CCDC146: variants seen among roughly 807,000 people sequenced by gnomAD.
The protein encoded by CCDC146 is coiled-coil domain containing 146.
CCDC146 carries 92 observed loss-of-function variants against 119.3 expected under a neutral mutation model. The observed-to-expected ratio is 0.77, with a 90% CI of 0.65 to 0.92. The LOEUF is 0.92. CCDC146 is among the 40% of genes least tolerant of loss of function. The pLI, the probability that CCDC146 is intolerant of heterozygous loss-of-function variation, is 0.00. For missense variants in CCDC146, 1,000 were observed against 1,103.0 expected (o/e 0.91, Z 1.32); for synonymous variants, 372 against 371.8 (o/e 1.00, Z -0.01).
chr7:77,274,742 G>A (rs1024913618), intron 11 of CCDC146, 90 bp downstream of exon 11: 2 of 998,200 alleles, frequency 2.0e-6, no homozygotes, highest in Non-Finnish European at 2.9e-6. Flanking sequence ...CATGGATGAA[G>A]CTAGAAACCA....
chr7:77,143,959 A>G (rs866355743), intron 1 of CCDC146, among the ~76,000 whole-genome samples: 22 of 151,782 alleles, frequency 1.4e-4, no homozygotes, highest in Admixed American at 3.3e-4. Flanking sequence ...GAAGAAAGTA[A>G]TTGGTAGCTT....
intron 1 of CCDC146, among the ~76,000 whole-genome samples, chr7:77,154,144 G>A (rs1791146607): frequency 6.6e-6 from 1 of 151,962 alleles, no homozygotes; most frequent in Admixed American, 6.6e-5. Flanking sequence ...CAGGGGTTGG[G>A]GGAGGTCCGA....
At chr7:77,124,345 G>A (rs1462610057) in intron 1 of CCDC146, among the ~76,000 whole-genome samples, 1 of 152,146 alleles carries the variant, frequency 6.6e-6, no homozygotes, top group Non-Finnish European at 1.5e-5. Flanking sequence ...ACAGTATAAT[G>A]AGTATCAAAT....
intron 2 of CCDC146, chr7:77,195,209 G>A (rs1162833922): frequency 6.9e-6 from 1 of 144,286 alleles, no homozygotes; most frequent in African/African-American, 2.5e-5. Flanking sequence ...ACAGTAGTGA[G>A]CAATCTTAAA....
At chr7:77,135,324 C>CA (rs1298664647) in intron 1 of CCDC146, among the ~76,000 whole-genome samples, 1 of 151,762 alleles carries the variant, frequency 6.6e-6, no homozygotes, top group African/African-American at 2.4e-5. Flanking sequence ...CCCATCTCTA[C>CA]AAAAAATACA....
At chr7:77,137,873 T>G in intron 1 of CCDC146, among the ~76,000 whole-genome samples, 1 of 149,868 alleles carries the variant, frequency 6.7e-6, no homozygotes, top group African/African-American at 2.5e-5. Context: ...ATATGTAGGT[T>G]CTGTTGTCTT....
At chr7:77,212,616 G>A (rs1273606340) in intron 2 of CCDC146, among the ~76,000 whole-genome samples, 10 of 90,804 alleles carry the variant, frequency 1.1e-4, no homozygotes, top group Admixed American at 1.7e-4. Flanking sequence ...GCAAGACTCC[G>A]TCTCAAAAAA....
chr7:77,256,589 G>A, intron 6 of CCDC146, 80 bp downstream of exon 6: 2 of 1,184,154 alleles, frequency 1.7e-6, no homozygotes, highest in Non-Finnish European at 2.4e-6. Flanking sequence ...GTAACCAGCA[G>A]GTTGGATAAA....
intron 2 of CCDC146, among the ~76,000 whole-genome samples, chr7:77,211,607 A>T (rs200206718): frequency 1.2e-3 from 187 of 150,834 alleles, no homozygotes; most frequent in African/African-American, 4.4e-3. Flanking sequence ...TATTTTTTTT[A>T]TTTTTATTTA....
chr7:77,145,404 T>G (rs1269888757), intron 1 of CCDC146, among the ~76,000 whole-genome samples: 1 of 151,812 alleles, frequency 6.6e-6, no homozygotes, highest in Admixed American at 6.6e-5. Flanking sequence ...GGGTTTTTTG[T>G]GTCTCTATCT....
At chr7:77,242,220 T>C in intron 4 of CCDC146, 1 of 357,154 alleles carries the variant, frequency 2.8e-6, no homozygotes, top group South Asian at 3.1e-5. Context: ...GCCCTGGCAG[T>C]GGCCCCCTCA....
At chr7:77,280,182 G>T (rs560754320) in intron 13 of CCDC146, among the ~76,000 whole-genome samples, 6 of 152,038 alleles carry the variant, frequency 3.9e-5, no homozygotes, top group Non-Finnish European at 7.4e-5. Context: ...GATAAAGGGG[G>T]TCAGCAGAAC....
At chr7:77,235,066 CATTT>C (rs1258647442) in intron 2 of CCDC146, among the ~76,000 whole-genome samples, 2 of 152,142 alleles carry the variant, frequency 1.3e-5, no homozygotes, top group African/African-American at 4.8e-5. Context: ...TGCATTCATT[CATTT>C]GCTAACAAAT....
chr7:77,256,259 G>A, intron 5 of CCDC146, 74 bp from the exon 6 acceptor site: 2 of 1,073,914 alleles, frequency 1.9e-6, no homozygotes, highest in Non-Finnish European at 1.3e-6. Context: ...GGTGAAATTA[G>A]TTTTAGTTCA....
intron 2 of CCDC146, among the ~76,000 whole-genome samples, chr7:77,216,225 A>T (rs1460685700): frequency 6.6e-6 from 1 of 152,084 alleles, no homozygotes; most frequent in Non-Finnish European, 1.5e-5. Context: ...ACAGTAAGTT[A>T]TAGTGAAATT....
At chr7:77,286,576 C>A (rs1793851764) in intron 15 of CCDC146, among the ~76,000 whole-genome samples, 1 of 152,162 alleles carries the variant, frequency 6.6e-6, no homozygotes, top group Non-Finnish European at 1.5e-5. Context: ...CACTGCCTCA[C>A]CTCATATGAT....
At chr7:77,281,012 A>C (rs759687485) in intron 14 of CCDC146, among the ~76,000 whole-genome samples, 1 of 152,026 alleles carries the variant, frequency 6.6e-6, no homozygotes, top group Non-Finnish European at 1.5e-5. Flanking sequence ...CTGCAGCACG[A>C]GAATCGCTTG....
chr7:77,148,092 C>T (rs1258671701), intron 1 of CCDC146, among the ~76,000 whole-genome samples: 3 of 152,242 alleles, frequency 2.0e-5, no homozygotes, highest in Non-Finnish European at 4.4e-5. Context: ...TGATTACCTA[C>T]TCAAGCCTCA....
chr7:77,289,711 G>A (rs192729754), intron 17 of CCDC146, among the ~76,000 whole-genome samples: 9 of 152,266 alleles, frequency 5.9e-5, no homozygotes, highest in African/African-American at 1.2e-4. Flanking sequence ...AGCTTATGGC[G>A]CCTCCTGCAA....
Sources: gnomAD v4.1 joint callset for allele counts (sites outside exome capture counted in the v4.1 genomes callset) on GRCh38, gnomAD v4.1.1 for gene constraint, MANE v1.5 for transcripts, NCBI Gene and HGNC (gene_info 2026-07-23, HGNC 2026-07-21) for gene names.